GRM8: variants seen among roughly 807,000 people sequenced by gnomAD.
GRM8 encodes glutamate metabotropic receptor 8, also known as metabotropic glutamate receptor 8.
Under a neutral mutation model 87.2 loss-of-function variants are expected in GRM8, and 47 were observed. That is an observed-to-expected ratio of 0.54 (90% confidence interval 0.43 to 0.69). The LOEUF (loss-of-function observed/expected upper bound fraction) is 0.69. Ranked by LOEUF, GRM8 falls within the 30% of genes least tolerant of loss-of-function variation. The pLI, the probability that GRM8 is intolerant of heterozygous loss-of-function variation, is 0.00. For missense variants in GRM8, 1,019 were observed against 1,139.2 expected (o/e 0.89, Z 1.52); for synonymous variants, 396 against 404.5 (o/e 0.98, Z 0.25).
intron 3 of GRM8, among the ~76,000 whole-genome samples, chr7:126,971,770 G>A (rs1810454943): frequency 6.6e-6 from 1 of 152,116 alleles, no homozygotes; most frequent in South Asian, 2.1e-4. Context: ...AGCAACAGGA[G>A]CACAGGCAGC....
intron 2 of GRM8, among the ~76,000 whole-genome samples, chr7:127,178,945 C>T (rs966995274): frequency 6.6e-6 from 1 of 151,874 alleles, no homozygotes; most frequent in African/African-American, 2.4e-5. Flanking sequence ...AGAAGCAAAA[C>T]AAAAAGCAAA....
chr7:127,106,132 T>C (rs1467404985), intron 3 of GRM8, among the ~76,000 whole-genome samples: 1 of 152,254 alleles, frequency 6.6e-6, no homozygotes, highest in Non-Finnish European at 1.5e-5. Flanking sequence ...ACTGACTTTT[T>C]TTAAATTTAA....
intron 8 of GRM8, among the ~76,000 whole-genome samples, chr7:126,577,630 C>T (rs1255954883): frequency 1.3e-5 from 2 of 151,998 alleles, no homozygotes; most frequent in Non-Finnish European, 2.9e-5. Context: ...TCAGCTGCCT[C>T]ATGGAACTAT....
intron 6 of GRM8, among the ~76,000 whole-genome samples, chr7:126,812,947 TA>T (rs1748679529): frequency 6.6e-6 from 1 of 152,062 alleles, no homozygotes; most frequent in Non-Finnish European, 1.5e-5. Flanking sequence ...GTTGATTTCA[TA>T]GCTTTGCTAT....
chr7:126,868,861 T>C (rs191043857), intron 6 of GRM8: 1 of 152,172 alleles, frequency 6.6e-6, no homozygotes, highest in Non-Finnish European at 1.5e-5. Context: ...TTGCTGAAGG[T>C]TGGGGTGGCT....
At chr7:126,815,852 A>T (rs1200850065) in intron 6 of GRM8, among the ~76,000 whole-genome samples, 1 of 152,140 alleles carries the variant, frequency 6.6e-6, no homozygotes, top group Non-Finnish European at 1.5e-5. Context: ...GATAGCCATG[A>T]TGATAACACA....
At chr7:127,093,567 A>G (rs1164423265) in intron 3 of GRM8, among the ~76,000 whole-genome samples, 1 of 152,250 alleles carries the variant, frequency 6.6e-6, no homozygotes, top group Non-Finnish European at 1.5e-5. Context: ...CTAGAGTCGT[A>G]TGACCATAAG....
intron 3 of GRM8, among the ~76,000 whole-genome samples, chr7:126,955,093 G>T (rs913790227): frequency 6.6e-6 from 1 of 152,084 alleles, no homozygotes; most frequent in African/African-American, 2.4e-5. Context: ...GAATAAGAGT[G>T]AAACAACTAA....
intron 7 of GRM8, among the ~76,000 whole-genome samples, chr7:126,644,184 G>T (rs1037507224): frequency 6.6e-6 from 1 of 152,078 alleles, no homozygotes; most frequent in Non-Finnish European, 1.5e-5. Flanking sequence ...CTTTATTTGT[G>T]GAATGAAGTT....
At chr7:127,097,929 C>T (rs1824841709) in intron 3 of GRM8, among the ~76,000 whole-genome samples, 1 of 152,202 alleles carries the variant, frequency 6.6e-6, no homozygotes, top group South Asian at 2.1e-4. Flanking sequence ...TTAACAGCAG[C>T]TGTTGCTACT....
At chr7:126,477,416 T>C (rs1461031143) in intron 9 of GRM8, among the ~76,000 whole-genome samples, 1 of 152,074 alleles carries the variant, frequency 6.6e-6, no homozygotes, top group African/African-American at 2.4e-5. Flanking sequence ...CTATGTGAGG[T>C]GATGAATATG....
intron 7 of GRM8, among the ~76,000 whole-genome samples, chr7:126,623,509 T>A (rs1317017396): frequency 1.3e-5 from 2 of 152,170 alleles, no homozygotes; most frequent in East Asian, 3.8e-4. Context: ...ACATGGTTAG[T>A]GCTGACCAGA....
intron 3 of GRM8, among the ~76,000 whole-genome samples, chr7:126,912,554 C>A: frequency 6.6e-6 from 1 of 152,152 alleles, no homozygotes; most frequent in South Asian, 2.1e-4. Context: ...AGAACCCTGA[C>A]CAATACAATG....
chr7:127,217,607 CT>C (rs1796640661), intron 2 of GRM8, among the ~76,000 whole-genome samples: 1 of 152,296 alleles, frequency 6.6e-6, no homozygotes, highest in South Asian at 2.1e-4. Context: ...CATTCTACCC[CT>C]GGGGGCCCCC....
At chr7:126,993,033 C>T (rs903152425) in intron 3 of GRM8, among the ~76,000 whole-genome samples, 1 of 152,210 alleles carries the variant, frequency 6.6e-6, no homozygotes, top group African/African-American at 2.4e-5. Context: ...TTTGTTATGG[C>T]ATCCCAAGCT....
At chr7:127,225,313 T>C in intron 2 of GRM8, among the ~76,000 whole-genome samples, 1 of 152,178 alleles carries the variant, frequency 6.6e-6, no homozygotes, top group South Asian at 2.1e-4. Context: ...GGAAGGCTCT[T>C]CTCAAAGCCC....
At chr7:126,496,621 A>G (rs1808781959) in intron 9 of GRM8, among the ~76,000 whole-genome samples, 1 of 151,808 alleles carries the variant, frequency 6.6e-6, no homozygotes, top group African/African-American at 2.4e-5. Context: ...TTACTAGAAT[A>G]TCTAATTTGT....
intron 8 of GRM8, among the ~76,000 whole-genome samples, chr7:126,605,479 T>C (rs1798259105): frequency 6.6e-6 from 1 of 152,180 alleles, no homozygotes; most frequent in South Asian, 2.1e-4. Context: ...ACCTAATATA[T>C]TTTCCAGGAA....
chr7:126,525,570 T>C (rs1193508712), intron 9 of GRM8, among the ~76,000 whole-genome samples: 1 of 152,210 alleles, frequency 6.6e-6, no homozygotes, highest in African/African-American at 2.4e-5. Flanking sequence ...ATGTTGACTT[T>C]AGGTTTGGAA....
Sources: allele counts gnomAD v4.1 joint callset (sites outside exome capture counted in the v4.1 genomes callset), GRCh38; gene constraint gnomAD v4.1.1; transcripts MANE v1.5; gene names NCBI Gene and HGNC (gene_info 2026-07-23, HGNC 2026-07-21).